Variants in ZYG11B observed in about 807,000 individuals in gnomAD.
The protein encoded by ZYG11B is protein zyg-11 homolog B.
In ZYG11B, 36 loss-of-function variants were observed where a neutral mutation model predicts 82.4. The ratio of observed to expected loss-of-function variants is 0.44; its 90% CI spans 0.33 to 0.58. The LOEUF is 0.58. ZYG11B is among the 20% of genes least tolerant of loss of function. The pLI is 0.02. For synonymous variants in ZYG11B, 303 were observed against 312.8 expected, an observed-to-expected ratio of 0.97 and a Z score of 0.33; for missense variants, 552 against 895.6, an observed-to-expected ratio of 0.62 and a Z score of 4.90.
Position 52,817,618 on chromosome 1 carries a change from T to C in ZYG11B, c.2044+989T>C, listed in dbSNP as rs1645236749. ...CCAGGCTGGTGTCAAACTCCTAGGCTCGAACGATCTGCCTGCCTCTTCCTC... is the reference window on the plus strand; with the variant it reads ...CCAGGCTGGTGTCAAACTCCTAGGCCCGAACGATCTGCCTGCCTCTTCCTC... On this transcript the variant is annotated intron_variant, in intron 13 of 13. Transcript: ENST00000294353. Among the ~76,000 whole-genome samples, 3 of 150,460 alleles carry C rather than the reference T, an allele frequency of 2.0e-5. No individual in the cohort carries two copies. In the South Asian group the frequency reaches 6.3e-4, roughly 32 times the overall value.
In ZYG11B at chr1:52,739,998, G is replaced by A. The variant is rs138369420; in HGVS notation, c.30+13315G>A. Among the ~76,000 whole-genome samples the A allele has an allele frequency of 1.2e-3, 188 of 152,310 alleles. 4 individuals are homozygous for A. Among genetic ancestry groups the A allele is most frequent in the East Asian group, 1.9e-4 (1 of 5,188 alleles). ...GGTTTAGCTTCAATTTTTCAGATAA[G>A]GAAACTGAGAAGTTAATTGACTTTC... On this transcript the variant is annotated intron_variant, in intron 1 of 13. Coordinates refer to ENST00000294353, the MANE Select transcript of ZYG11B (RefSeq NM_024646.3).
intron 4 of ZYG11B, among the ~76,000 whole-genome samples, chr1:52,783,935 T>C (rs1040993535): frequency 2.2e-5 from 3 of 138,046 alleles, no homozygotes; most frequent in East Asian, 2.0e-4. Context: ...TGTATATACA[T>C]CTATACATAT....
rs541935370 is a variant in ZYG11B, at chr1:52,827,190, C to G, written c.*5561C>G. 9.7e-4 allele frequency: 148 copies of G among 152,304 alleles called. 1 individual carries two copies. The highest frequency in any genetic ancestry group is 3.4e-3 in the African/African-American group (140 of 41,580). 9.4% of individuals were successfully genotyped at this position (152,304 alleles called of 1,614,324 possible). On this transcript the variant is annotated 3_prime_UTR_variant, in exon 14 of 14. Transcript: ENST00000294353. ...CTCTCAATTATCTGGACTGAAGGCACTGTTCTCACTATGGCCAGATGAATG... is the reference window on the plus strand; with the variant it reads ...CTCTCAATTATCTGGACTGAAGGCAGTGTTCTCACTATGGCCAGATGAATG...
intron 2 of ZYG11B, among the ~76,000 whole-genome samples, chr1:52,756,837 T>C (rs1052984426): frequency 6.7e-6 from 1 of 149,960 alleles, no homozygotes. Context: ...TTTTTTTCCT[T>C]GACAGGGTCT....
rs577745536 is a variant in ZYG11B, at chr1:52,823,708, A to T, written c.*2079A>T. 64 of 152,286 alleles carry T rather than the reference A, an allele frequency of 4.2e-4. No individual in the cohort carries two copies. The highest frequency in any genetic ancestry group is 1.4e-3 in the African/African-American group (57 of 41,560). 9.4% of individuals were successfully genotyped at this position (152,286 alleles called of 1,614,324 possible). On this transcript the variant is annotated 3_prime_UTR_variant, in exon 14 of 14. Transcript: ENST00000294353. ...TCTGTTTTATAAGACAAAAGTGCAT[A>T]TTTCTTTACAGGCTAATGCTAGGTT... is the stretch of plus-strand genomic sequence containing the variant.
intron 5 of ZYG11B, 65 bp from the exon 6 acceptor site, chr1:52,789,938 A>C: frequency 7.3e-5 from 80 of 1,093,722 alleles, no homozygotes; most frequent in Non-Finnish European, 8.8e-5. Flanking sequence ...TATGGAAGCT[A>C]CCATGGTTAA....
At chr1:52,750,797 A>C (rs1394375477) in intron 1 of ZYG11B, among the ~76,000 whole-genome samples, 1 of 152,078 alleles carries the variant, frequency 6.6e-6, no homozygotes, top group East Asian at 1.9e-4. Flanking sequence ...ACCCTAAGCA[A>C]CCAATAATCT....
intron 1 of ZYG11B, among the ~76,000 whole-genome samples, chr1:52,742,625 G>A (rs959624031): frequency 6.6e-6 from 1 of 152,026 alleles, no homozygotes; most frequent in Non-Finnish European, 1.5e-5. Flanking sequence ...GGCGGATCAC[G>A]AGGTCAGGAG....
chr1:52,784,593 G>A (rs889392363), intron 4 of ZYG11B, among the ~76,000 whole-genome samples: 2 of 152,080 alleles, frequency 1.3e-5, no homozygotes, highest in African/African-American at 2.4e-5. Flanking sequence ...CATATAACAG[G>A]CACCATAAGT....
chr1:52,760,616 TTC>T (rs1294200165), intron 2 of ZYG11B, among the ~76,000 whole-genome samples: 1 of 152,106 alleles, frequency 6.6e-6, no homozygotes, highest in African/African-American at 2.4e-5. Context: ...TTAAAAAATT[TTC>T]TTTTTCTTCT....
chr1:52,813,563 C>A lies in ZYG11B; in HGVS notation c.1723C>A (p.His575Asn), dbSNP rs1645201324. 6.2e-7 allele frequency: 1 copy of A among 1,612,204 alleles called. No individual in the cohort carries two copies. The highest frequency in any genetic ancestry group is 8.5e-7 in the Non-Finnish European group (1 of 1,178,716). ...LNNIAEVQELHSELMWKDFID... is the reference protein window; with the variant it reads ...LNNIAEVQELNSELMWKDFID... Reference sequence around the variant, plus strand: ...CAATATAGCTGAAGTACAAGAATTACATTCTGAATTAATGTGGAAAGATTT... The same window carrying A: ...CAATATAGCTGAAGTACAAGAATTAAATTCTGAATTAATGTGGAAAGATTT... Residue 575 changes from histidine (H) to asparagine (N), a missense_variant, in exon 11 of 14, where the codon CAT becomes AAT. Physicochemically the swap from His to Asn is moderately conservative, Grantham distance 68. Transcript: ENST00000294353.
At chr1:52,768,010 C>A (rs146470152) in intron 2 of ZYG11B, among the ~76,000 whole-genome samples, 2 of 152,166 alleles carry the variant, frequency 1.3e-5, no homozygotes, top group Non-Finnish European at 2.9e-5. Context: ...TTCTCTAACA[C>A]CTCCCCTGTG....
At chr1:52,789,445 T>G (rs1335311968) in intron 5 of ZYG11B, among the ~76,000 whole-genome samples, 1 of 152,226 alleles carries the variant, frequency 6.6e-6, no homozygotes, top group Non-Finnish European at 1.5e-5. Context: ...CAGGAATAAC[T>G]TGAATCACCT....
At chr1:52,768,168 C>T (rs1233951039) in intron 2 of ZYG11B, among the ~76,000 whole-genome samples, 1 of 152,140 alleles carries the variant, frequency 6.6e-6, no homozygotes, top group Admixed American at 6.6e-5. Flanking sequence ...TCCTGTCTTA[C>T]TAGTTGCTGC....
At chr1:52,811,801 C>T (rs532528033) in intron 10 of ZYG11B, among the ~76,000 whole-genome samples, 29 of 152,142 alleles carry the variant, frequency 1.9e-4, no homozygotes, top group African/African-American at 6.7e-4. Context: ...GAGGCCAAGG[C>T]GGGCGGATCA....
intron 10 of ZYG11B, among the ~76,000 whole-genome samples, chr1:52,804,915 A>G (rs1645128904): frequency 1.3e-5 from 2 of 151,924 alleles, no homozygotes; most frequent in Non-Finnish European, 2.9e-5. Context: ...AAAATGGAGA[A>G]GTCTCGTTTC....
chr1:52,817,777 G>GTATATATATGTGTATATA (rs1645240079), intron 13 of ZYG11B, among the ~76,000 whole-genome samples: 1 of 41,542 alleles, frequency 2.4e-5, no homozygotes, highest in Non-Finnish European at 3.9e-5. Context: ...ATATATATGT[G>GTATATATATGTGTATATA]TATATATATA....
intron 6 of ZYG11B, among the ~76,000 whole-genome samples, chr1:52,794,358 A>C (rs75941604): frequency 0.11 from 16,356 of 152,170 alleles, 1,962 homozygotes; most frequent in East Asian, 0.35. Context: ...TTGTAGAAGA[A>C]TGCAAGTAGT....
intron 10 of ZYG11B, among the ~76,000 whole-genome samples, chr1:52,802,532 G>A (rs1208689202): frequency 4.0e-5 from 6 of 151,214 alleles, no homozygotes; most frequent in African/African-American, 1.2e-4. Context: ...TGTATTTTTT[G>A]TAGAGATGGG....
Sources: gnomAD v4.1 joint callset for allele counts (sites outside exome capture counted in the v4.1 genomes callset) on GRCh38, gnomAD v4.1.1 for gene constraint, MANE v1.5 for transcripts, NCBI Gene and HGNC (gene_info 2026-07-23, HGNC 2026-07-21) for gene names.